The following MALRD1 variants were observed in gnomAD, a reference collection of about 807,000 sequenced individuals.
MALRD1 encodes MAM and LDL receptor class A domain containing 1.
A neutral mutation model predicts 242.1 loss-of-function variants in MALRD1; 247 were observed. The observed-to-expected ratio is 1.02, with a 90% confidence interval of 0.92 to 1.13. The LOEUF (loss-of-function observed/expected upper bound fraction) is 1.13. Ranked by LOEUF, MALRD1 falls within the 50% of genes most tolerant of loss-of-function variation. The pLI is 0.00. For synonymous variants in MALRD1, 995 were observed against 866.6 expected (o/e 1.15, Z -2.60); for missense variants, 2,989 against 2,533.1 (o/e 1.18, Z -3.86).
At position 19,331,590 on chromosome 10, in the gene MALRD1, A is replaced by G. The variant is rs1477633988; in HGVS notation, c.3901+8A>G. On this transcript the variant is annotated splice_region_variant and intron_variant, in intron 24 of 39. Coordinates refer to ENST00000454679, the MANE Select transcript of MALRD1 (RefSeq NM_001142308.3). ...AGACTACTTTCATTTGCCGTAAGTAAAAGGGTTCTGTTTTCTTACTTTTGC... is the reference window on the plus strand; with the variant it reads ...AGACTACTTTCATTTGCCGTAAGTAGAAGGGTTCTGTTTTCTTACTTTTGC... The G allele has an allele frequency of 1.3e-6, 2 of 1,548,734 alleles. No individual in the cohort carries two copies. Among genetic ancestry groups the G allele is most frequent in the Non-Finnish European group, 1.7e-6 (2 of 1,145,646 alleles).
chr10:19,406,629 A>G (rs1847124269), intron 28 of MALRD1, among the ~76,000 whole-genome samples: 2 of 152,182 alleles, frequency 1.3e-5, no homozygotes, highest in Admixed American at 6.6e-5. Context: ...TTCATGACGA[A>G]TAAATATCCA....
At chr10:19,384,381 TTACTATA>T (rs1564291660) in intron 26 of MALRD1, among the ~76,000 whole-genome samples, 2 of 110,510 alleles carry the variant, frequency 1.8e-5, no homozygotes, top group Non-Finnish European at 3.4e-5. Flanking sequence ...AATATAATAT[TTACTATA>T]TATTATATAT....
intron 21 of MALRD1, among the ~76,000 whole-genome samples, chr10:19,297,017 C>G (rs940822351): frequency 6.6e-6 from 1 of 151,202 alleles, no homozygotes; most frequent in Non-Finnish European, 1.5e-5. Flanking sequence ...TCTATAATGC[C>G]TTTTGTGATC....
intron 36 of MALRD1, among the ~76,000 whole-genome samples, chr10:19,624,352 G>A (rs989889213): frequency 6.6e-6 from 1 of 152,094 alleles, no homozygotes; most frequent in African/African-American, 2.4e-5. Flanking sequence ...CTTGGGCCAG[G>A]TATAGAAAAG....
rs115008034 is a variant in MALRD1 at position 19,612,115 on chromosome 10, A to G, written c.6071-3742A>G. 8.2e-3 allele frequency among the ~76,000 whole-genome samples: 1,242 copies of G among 152,138 alleles called. 16 individuals carry two copies. The highest frequency in any genetic ancestry group is 0.028 in the African/African-American group (1,159 of 41,552). On this transcript the variant is annotated intron_variant, in intron 35 of 39. Coordinates refer to ENST00000454679, the MANE Select transcript of MALRD1 (RefSeq NM_001142308.3). ...CTCTTCTCATGTTTCAATAAAACAA[A>G]ATACATATTTGAGGAAGACTGAAAT...
intron 31 of MALRD1, among the ~76,000 whole-genome samples, chr10:19,501,993 C>T (rs928138761): frequency 7.4e-6 from 1 of 134,952 alleles, no homozygotes; most frequent in African/African-American, 2.8e-5. Context: ...CTCCATTGCA[C>T]TCCAGCAAGA....
intron 19 of MALRD1, among the ~76,000 whole-genome samples, chr10:19,275,581 A>C (rs1338750156): frequency 6.6e-6 from 1 of 152,142 alleles, no homozygotes; most frequent in East Asian, 1.9e-4. Flanking sequence ...AGGCAGGAGA[A>C]TGGTGTGAAC....
At chr10:19,390,645 T>C (rs777148338) in intron 28 of MALRD1, among the ~76,000 whole-genome samples, 1 of 152,146 alleles carries the variant, frequency 6.6e-6, no homozygotes, top group Admixed American at 6.5e-5. Flanking sequence ...AAGCTTACTT[T>C]AAAGCATGCT....
intron 31 of MALRD1, among the ~76,000 whole-genome samples, chr10:19,502,298 A>C (rs2026464): frequency 0.95 from 144,033 of 152,038 alleles, 68,297 homozygotes; most frequent in East Asian, 1. Context: ...TTTCTAGTAA[A>C]CTCAGAGTAA....
At chr10:19,329,763 A>G (rs535655646) in intron 23 of MALRD1, among the ~76,000 whole-genome samples, 1 of 152,314 alleles carries the variant, frequency 6.6e-6, no homozygotes, top group African/African-American at 2.4e-5. Context: ...CTGTCTGAAG[A>G]AAGATACATT....
chr10:19,726,781 T>C (rs912135789), intron 38 of MALRD1, among the ~76,000 whole-genome samples: 2 of 152,234 alleles, frequency 1.3e-5, no homozygotes, highest in East Asian at 3.9e-4. Flanking sequence ...ATGATTAAAC[T>C]TCTGATACAT....
chr10:19,463,801 C>T (rs915194731), intron 29 of MALRD1, among the ~76,000 whole-genome samples: 1 of 152,082 alleles, frequency 6.6e-6, no homozygotes, highest in Non-Finnish European at 1.5e-5. Context: ...CACTGTTTTC[C>T]ATAGTGGTTG....
At chr10:19,725,455 G>A (rs968285476) in intron 38 of MALRD1, among the ~76,000 whole-genome samples, 1 of 152,164 alleles carries the variant, frequency 6.6e-6, no homozygotes, top group African/African-American at 2.4e-5. Context: ...GTGGAACTGT[G>A]AGTCAATTAA....
chr10:19,111,656 A>G (rs747662922), intron 5 of MALRD1, among the ~76,000 whole-genome samples: 12 of 152,334 alleles, frequency 7.9e-5, no homozygotes, highest in Non-Finnish European at 1.3e-4. Context: ...CCCTATTTTT[A>G]GGCTTTGCCT....
chr10:19,383,707 T>C (rs2130793696), intron 26 of MALRD1, among the ~76,000 whole-genome samples: 1 of 152,184 alleles, frequency 6.6e-6, no homozygotes, highest in Admixed American at 6.6e-5. Flanking sequence ...CTTAGGTAAA[T>C]CATATTTACA....
intron 28 of MALRD1, among the ~76,000 whole-genome samples, chr10:19,410,394 C>T (rs1005405044): frequency 2.0e-5 from 3 of 152,124 alleles, no homozygotes; most frequent in African/African-American, 7.2e-5. Context: ...GTCTAGAAAA[C>T]AGTCATTTTT....
At chr10:19,463,553 A>AGTGTGTGTGT (rs142025703) in intron 29 of MALRD1, among the ~76,000 whole-genome samples, 289 of 150,138 alleles carry the variant, frequency 1.9e-3, no homozygotes, top group African/African-American at 5.9e-3. Flanking sequence ...GTGGCTGAGT[A>AGTGTGTGTGT]GTGTGTGTGT....
At position 19,413,827 on chromosome 10, in the gene MALRD1, T is replaced by C. The variant is rs1194830658; in HGVS notation, c.4845+24218T>C. 2.0e-5 allele frequency among the ~76,000 whole-genome samples: 3 copies of C among 151,932 alleles called. No homozygotes were observed. In the East Asian group the frequency reaches 5.8e-4, roughly 29 times the overall value. On this transcript the variant is annotated intron_variant, in intron 28 of 39. Coordinates refer to ENST00000454679, the MANE Select transcript of MALRD1 (RefSeq NM_001142308.3). Reference sequence around the variant, plus strand: ...TGAAACACCATCTCTGGCGGGTACCTGTAGTCCCAGCCACTTGGGGGGCTG... The same window carrying C: ...TGAAACACCATCTCTGGCGGGTACCCGTAGTCCCAGCCACTTGGGGGGCTG...
chr10:19,108,283 T>C (rs928460749), intron 5 of MALRD1, among the ~76,000 whole-genome samples: 2 of 152,000 alleles, frequency 1.3e-5, no homozygotes, highest in South Asian at 2.1e-4. Flanking sequence ...ACATCCTCAA[T>C]TGTATTTTTT....
Sources: allele counts gnomAD v4.1 joint callset (sites outside exome capture counted in the v4.1 genomes callset), GRCh38; gene constraint gnomAD v4.1.1; transcripts MANE v1.5; gene names NCBI Gene and HGNC (gene_info 2026-07-23, HGNC 2026-07-21).